SLC41A2: variants seen among roughly 807,000 people sequenced by gnomAD.
SLC41A2 encodes solute carrier family 41 member 2, also known as SLC41A1-like 1.
A neutral mutation model predicts 58.3 loss-of-function variants in SLC41A2; 32 were observed. The observed-to-expected ratio is 0.55, with a 90% CI of 0.41 to 0.74. The LOEUF (loss-of-function observed/expected upper bound fraction) is 0.74. SLC41A2 is among the 30% of genes least tolerant of loss of function. SLC41A2 has a pLI of 0.00. For missense variants in SLC41A2, 514 were observed against 680.6 expected (o/e 0.76, Z 2.72); for synonymous variants, 190 against 235.0 (o/e 0.81, Z 1.75).
intron 3 of SLC41A2, among the ~76,000 whole-genome samples, chr12:104,908,337 G>A (rs2135773054): frequency 6.6e-6 from 1 of 152,330 alleles, no homozygotes; most frequent in South Asian, 2.1e-4. Context: ...CCAAGCATCT[G>A]CTTTACTCAA....
chr12:104,918,578 T>C (rs1032279343), intron 2 of SLC41A2, among the ~76,000 whole-genome samples: 4 of 141,930 alleles, frequency 2.8e-5, no homozygotes, highest in East Asian at 2.1e-4. Context: ...TTAGAAAATA[T>C]ATATATTAAT....
chr12:104,823,575 T>C (rs954317845), intron 10 of SLC41A2, among the ~76,000 whole-genome samples: 1 of 152,132 alleles, frequency 6.6e-6, no homozygotes, highest in African/African-American at 2.4e-5. Flanking sequence ...CGGATGTTCA[T>C]ACTGAAAAAT....
intron 3 of SLC41A2, among the ~76,000 whole-genome samples, chr12:104,898,435 T>G (rs1033819181): frequency 6.6e-6 from 1 of 151,670 alleles, no homozygotes; most frequent in Non-Finnish European, 1.5e-5. Flanking sequence ...ATATAGCCAC[T>G]ACAATTAATA....
chr12:104,900,381 AACAC>A (rs775679533), intron 3 of SLC41A2, among the ~76,000 whole-genome samples: 15 of 152,308 alleles, frequency 9.8e-5, no homozygotes, highest in African/African-American at 3.6e-4. Context: ...TTGTACACAA[AACAC>A]ACACACAAAT....
At chr12:104,860,827 G>A (rs1215819536) in intron 8 of SLC41A2, among the ~76,000 whole-genome samples, 1 of 151,850 alleles carries the variant, frequency 6.6e-6, no homozygotes, top group East Asian at 1.9e-4. Context: ...CTCCTACCTA[G>A]GCCTCCCAAA....
At chr12:104,859,439 T>G (rs2043129361) in intron 8 of SLC41A2, among the ~76,000 whole-genome samples, 2 of 152,154 alleles carry the variant, frequency 1.3e-5, no homozygotes, top group South Asian at 4.1e-4. Context: ...AAGACATGCT[T>G]GTTATATAAA....
chr12:104,816,182 C>G (rs758205138), intron 10 of SLC41A2, among the ~76,000 whole-genome samples: 5 of 151,870 alleles, frequency 3.3e-5, no homozygotes, highest in Admixed American at 6.6e-5. Flanking sequence ...GAAAGGAGAA[C>G]GAAGTGTTTC....
rs953295976 is a variant in SLC41A2 at position 104,958,127 on chromosome 12, A to C, written c.-207T>G. On this transcript the variant is annotated 5_prime_UTR_variant, in exon 1 of 11. Coordinates refer to ENST00000258538, the MANE Select transcript of SLC41A2 (RefSeq NM_001352171.3). ...GGCGGCGGCAGCGGCCGGTGTGAGA[A>C]GGGTCCCCGTCTCCTCAGACCAGAC... 9 of 152,086 alleles carry C rather than the reference A, an allele frequency of 5.9e-5. No homozygotes were observed. The highest frequency in any genetic ancestry group is 1.9e-4 in the African/African-American group (8 of 41,324). 9.4% of individuals were successfully genotyped at this position (152,086 alleles called of 1,614,324 possible).
intron 6 of SLC41A2, among the ~76,000 whole-genome samples, chr12:104,882,962 A>G (rs200224042): frequency 0.053 from 8,062 of 152,118 alleles, 282 homozygotes; most frequent in East Asian, 0.1. Context: ...ATACCAATCA[A>G]ATGTAGATTT....
chr12:104,819,589 AT>A (rs1339807356), intron 10 of SLC41A2, among the ~76,000 whole-genome samples: 1 of 152,264 alleles, frequency 6.6e-6, no homozygotes, highest in African/African-American at 2.4e-5. Flanking sequence ...TAATCTTAAG[AT>A]AAAAAGAGAA....
At chr12:104,883,643 A>G (rs1255532717) in intron 6 of SLC41A2, among the ~76,000 whole-genome samples, 1 of 152,236 alleles carries the variant, frequency 6.6e-6, no homozygotes, top group Non-Finnish European at 1.5e-5. Flanking sequence ...GGGTATCACC[A>G]GCGGAGGCTG....
chr12:104,899,329 T>C (rs764986540), intron 3 of SLC41A2, among the ~76,000 whole-genome samples: 4 of 152,238 alleles, frequency 2.6e-5, no homozygotes, highest in Non-Finnish European at 5.9e-5. Flanking sequence ...TGAATATCAA[T>C]CACACTTTTC....
intron 2 of SLC41A2, among the ~76,000 whole-genome samples, chr12:104,915,582 G>T (rs1007522694): frequency 3.9e-5 from 6 of 152,152 alleles, no homozygotes; most frequent in Non-Finnish European, 7.3e-5. Flanking sequence ...TCTGTTATTG[G>T]TGTATAAGAA....
intron 10 of SLC41A2, among the ~76,000 whole-genome samples, chr12:104,806,081 T>C (rs575379384): frequency 1.3e-4 from 20 of 152,136 alleles, no homozygotes; most frequent in Admixed American, 1.0e-3. Flanking sequence ...TTTTTTACTA[T>C]ACTTTAAGTT....
At position 104,958,283 on chromosome 12, in the gene SLC41A2, A is replaced by G. The variant is rs148467542; in HGVS notation, c.-363T>C. 5,958 of 149,788 alleles carry G rather than the reference A, an allele frequency of 0.04. 155 individuals are homozygous for G. Among genetic ancestry groups the G allele is most frequent in the East Asian group, 0.087 (443 of 5,064 alleles). The allele number at this position is 149,788 out of a possible 1,614,324, so 9.3% of individuals were successfully genotyped here. On this transcript the variant is annotated 5_prime_UTR_variant, in exon 1 of 11. Coordinates refer to ENST00000258538, the MANE Select transcript of SLC41A2 (RefSeq NM_001352171.3). ...CGCCTCCTCGCGCGGCTGCGGCCCC[A>G]AGCTGACAGCCCGGCCGTCGGCGCC...
chr12:104,944,735 A>G (rs184030354), intron 1 of SLC41A2, among the ~76,000 whole-genome samples: 174 of 152,294 alleles, frequency 1.1e-3, no homozygotes, highest in African/African-American at 4.1e-3. Flanking sequence ...GCTGTCATAT[A>G]GTGATCTTTG....
At chr12:104,936,846 G>A (rs1329850348) in intron 1 of SLC41A2, among the ~76,000 whole-genome samples, 1 of 152,124 alleles carries the variant, frequency 6.6e-6, no homozygotes, top group Non-Finnish European at 1.5e-5. Flanking sequence ...TATAGAATAA[G>A]GAAACAAAGA....
chr12:104,903,543 G>A (rs1430504474), intron 3 of SLC41A2, among the ~76,000 whole-genome samples: 2 of 152,160 alleles, frequency 1.3e-5, no homozygotes, highest in Non-Finnish European at 2.9e-5. Flanking sequence ...AGTAGTTTTG[G>A]AGTGGGGCTG....
At chr12:104,905,286 A>G (rs781444893) in intron 3 of SLC41A2, among the ~76,000 whole-genome samples, 1 of 152,132 alleles carries the variant, frequency 6.6e-6, no homozygotes, top group Non-Finnish European at 1.5e-5. Flanking sequence ...CTAGACATAA[A>G]GGTTCTCCAC....
Sources: gnomAD v4.1 joint callset for allele counts (sites outside exome capture counted in the v4.1 genomes callset) on GRCh38, gnomAD v4.1.1 for gene constraint, MANE v1.5 for transcripts, NCBI Gene and HGNC (gene_info 2026-07-23, HGNC 2026-07-21) for gene names.